Variants in CEP20 observed in about 807,000 individuals in gnomAD.
CEP20 encodes the protein FGFR1OP N-terminal like.
In CEP20, 18 loss-of-function variants were observed where a neutral mutation model predicts 20.0. The observed-to-expected ratio is 0.90, with a 90% CI of 0.62 to 1.34. CEP20 has a LOEUF of 1.34. CEP20 is among the 40% of genes most tolerant of loss of function. The pLI, the probability that CEP20 is intolerant of heterozygous loss-of-function variation, is 0.00. For synonymous variants in CEP20, 77 were observed against 73.7 expected (o/e 1.04, Z -0.23); for missense variants, 215 against 201.6 (o/e 1.07, Z -0.40).
At position 15,867,337 on chromosome 16, in the gene CEP20, A is replaced by G. The variant is rs112609106; in HGVS notation, c.*103T>C. The G allele has an allele frequency of 8.9e-5, 73 of 818,520 alleles. 1 individual carries two copies. The African/African-American group carries it at 9.8e-4, about 11-fold the overall frequency. 50.7% of individuals were successfully genotyped at this position (818,520 alleles called of 1,614,324 possible). A position where few individuals can be genotyped will look rare whatever the true frequency, so the allele number is the denominator to read the frequency against. ...TGAGGGGTGTTTTGTAGAAACTCCA[A>G]TTTCTACAAACATTAGTGGTGCATT... is the stretch of plus-strand genomic sequence containing the variant. On this transcript the variant is annotated 3_prime_UTR_variant, in exon 5 of 5. Transcript: ENST00000255759.
chr16:15,881,497 A>C (rs1275653331), intron 2 of CEP20, among the ~76,000 whole-genome samples: 1 of 152,170 alleles, frequency 6.6e-6, no homozygotes, highest in Non-Finnish European at 1.5e-5. Flanking sequence ...GTAACGAAAA[A>C]TTCTAACTTC....
chr16:15,876,205 C>T (rs1318687736), intron 3 of CEP20, among the ~76,000 whole-genome samples: 7 of 148,148 alleles, frequency 4.7e-5, no homozygotes, highest in Non-Finnish European at 6.0e-5. Flanking sequence ...AGTCTTGGGC[C>T]GATGGCTCAC....
At chr16:15,882,264 G>A (rs903817851) in intron 2 of CEP20, among the ~76,000 whole-genome samples, 10 of 152,132 alleles carry the variant, frequency 6.6e-5, no homozygotes, top group African/African-American at 1.7e-4. Flanking sequence ...TTCTTCAACC[G>A]GGTGCGGTGG....
At position 15,884,141 on chromosome 16, in the gene CEP20, T is replaced by C. The variant is rs1231676657; in HGVS notation, c.93A>G (p.Glu31=). Residue 31 remains glutamate, a synonymous_variant, in exon 2 of 5, where the codon GAA becomes GAG. Transcript: ENST00000255759. ...GGTCATCATCTAGGGCATTGAAAAC[T>C]TCAGCTCGGATCCTTGCTTTTAAAT... is the stretch of plus-strand genomic sequence containing the variant. ...LGHLKARIRA[E]VFNALDDDRE... The C allele has an allele frequency of 6.2e-7, 1 of 1,614,152 alleles. No homozygotes were observed. Among genetic ancestry groups the C allele is most frequent in the South Asian group, 1.1e-5 (1 of 91,088 alleles).
At chr16:15,877,858 C>T (rs898024078) in intron 3 of CEP20, among the ~76,000 whole-genome samples, 2 of 151,870 alleles carry the variant, frequency 1.3e-5, no homozygotes, top group Non-Finnish European at 2.9e-5. Flanking sequence ...AGTTCGAGAC[C>T]GGCCTGGCCA....
At chr16:15,887,323 T>C (rs144992814) in intron 1 of CEP20, among the ~76,000 whole-genome samples, 32 of 152,336 alleles carry the variant, frequency 2.1e-4, no homozygotes, top group African/African-American at 7.7e-4. Context: ...TTCTGTTTTA[T>C]GATTGTTCAC....
chr16:15,878,897 C>T (rs575134556), intron 3 of CEP20, among the ~76,000 whole-genome samples: 61 of 152,044 alleles, frequency 4.0e-4, no homozygotes, highest in Non-Finnish European at 7.9e-4. Flanking sequence ...ATTACAGGCA[C>T]GAGATACCTC....
intron 3 of CEP20, among the ~76,000 whole-genome samples, chr16:15,875,392 C>G (rs1567236084): frequency 6.6e-6 from 1 of 152,138 alleles, no homozygotes; most frequent in African/African-American, 2.4e-5. Flanking sequence ...CATGGGGGCT[C>G]AGGCCTGTAA....
At chr16:15,873,351 G>C (rs1596992061) in intron 4 of CEP20, 140 bp downstream of exon 4, 2 of 981,192 alleles carry the variant, frequency 2.0e-6, no homozygotes, top group South Asian at 2.7e-5. Context: ...CTGTTTCTTG[G>C]AGTAACATAG....
chr16:15,876,373 G>A (rs1374748824), intron 3 of CEP20, among the ~76,000 whole-genome samples: 1 of 151,960 alleles, frequency 6.6e-6, no homozygotes, highest in Non-Finnish European at 1.5e-5. Flanking sequence ...TACTTGGGAG[G>A]CTGAGGCAGG....
chr16:15,869,604 G>C (rs565250116), intron 4 of CEP20, among the ~76,000 whole-genome samples: 16 of 152,158 alleles, frequency 1.1e-4, no homozygotes, highest in Admixed American at 3.3e-4. Flanking sequence ...AGCTGCCGTG[G>C]CCTGGCCTGA....
At chr16:15,883,598 G>A (rs545993903) in intron 2 of CEP20, among the ~76,000 whole-genome samples, 110 of 152,168 alleles carry the variant, frequency 7.2e-4, no homozygotes, top group African/African-American at 2.6e-3. Flanking sequence ...GAACTCCTGG[G>A]CTCAAGTAAT....
rs1397635980 is a variant in CEP20, at chr16:15,866,724, C to A, written c.*716G>T. On this transcript the variant is annotated 3_prime_UTR_variant, in exon 5 of 5. Coordinates refer to ENST00000255759, the MANE Select transcript of CEP20 (RefSeq NM_144600.4). ...TGTCTCTTCATGCTTACTTCACATT[C>A]TTTATCTAATAAAATAAACTCTTTG... 2.0e-5 allele frequency: 3 copies of A among 152,178 alleles called. No homozygotes were observed. The highest frequency in any genetic ancestry group is 4.1e-4 in the South Asian group (2 of 4,832). The allele number at this position is 152,178 out of a possible 1,614,324, so 9.4% of individuals were successfully genotyped here.
chr16:15,881,051 C>T (rs1313697516), intron 2 of CEP20, among the ~76,000 whole-genome samples: 1 of 152,026 alleles, frequency 6.6e-6, no homozygotes, highest in Non-Finnish European at 1.5e-5. Context: ...ATGGAGTATG[C>T]TTGAATCATC....
In CEP20 at chr16:15,867,833, C is replaced by T. The variant is rs186110610; in HGVS notation, c.449-317G>A. Among the ~76,000 whole-genome samples the T allele has an allele frequency of 2.8e-3, 431 of 151,852 alleles. 2 individuals carry two copies. Among genetic ancestry groups the T allele is most frequent in the African/African-American group, 9.8e-3 (408 of 41,440 alleles). On this transcript the variant is annotated intron_variant, in intron 4 of 4. Transcript: ENST00000255759. ...CCTCAAAATACAAAAATTACCCGGG[C>T]GTGGTGGCAGGCGCCTGTAATCCCA...
chr16:15,877,324 A>AGGAGT (rs145846199), intron 3 of CEP20: 10,521 of 152,432 alleles, frequency 0.069, 478 homozygotes, highest in East Asian at 0.22. Context: ...AGAAGCCAGT[A>AGGAGT]ATAGTCATTG....
chr16:15,886,213 A>AT (rs1181006557), intron 1 of CEP20: 1 of 152,252 alleles, frequency 6.6e-6, no homozygotes, highest in African/African-American at 2.4e-5. Context: ...CAGTATGGAC[A>AT]TAAGATCTTT....
At chr16:15,875,721 T>C (rs2044927727) in intron 3 of CEP20, among the ~76,000 whole-genome samples, 1 of 152,160 alleles carries the variant, frequency 6.6e-6, no homozygotes, top group South Asian at 2.1e-4. Context: ...TCTTCATATA[T>C]CTGGCAAAAA....
At chr16:15,882,722 A>G (rs2045128898) in intron 2 of CEP20, among the ~76,000 whole-genome samples, 1 of 151,488 alleles carries the variant, frequency 6.6e-6, no homozygotes, top group Admixed American at 6.6e-5. Flanking sequence ...TCAAAGTTTT[A>G]TCTCCATTAT....
Sources: gnomAD v4.1 joint callset for allele counts (sites outside exome capture counted in the v4.1 genomes callset) on GRCh38, gnomAD v4.1.1 for gene constraint, MANE v1.5 for transcripts, NCBI Gene and HGNC (gene_info 2026-07-23, HGNC 2026-07-21) for gene names.